The following DST variants were observed in gnomAD, a reference collection of about 807,000 sequenced individuals.
DST encodes bullous pemphigoid antigen.
DST carries 253 observed loss-of-function variants against 875.2 expected under a neutral mutation model. The observed-to-expected ratio is 0.29, with a 90% CI of 0.26 to 0.32. The LOEUF is 0.32. Among genes scored for constraint, DST ranks in the 10% least tolerant of loss-of-function variants. The pLI, the probability that DST is intolerant of heterozygous loss-of-function variation, is 1.00. For missense variants in DST, 8,287 were observed against 9,111.6 expected, an observed-to-expected ratio of 0.91 and a Z score of 3.68; for synonymous variants, 3,124 against 3,197.1, an observed-to-expected ratio of 0.98 and a Z score of 0.77.
At chr6:56,950,663 A>T (rs183824282) in intron 2 of DST, among the ~76,000 whole-genome samples, 103 of 152,368 alleles carry the variant, frequency 6.8e-4, no homozygotes, top group African/African-American at 2.2e-3. Flanking sequence ...TAGCATAACA[A>T]GAACAAAAAC....
intron 3 of DST, among the ~76,000 whole-genome samples, chr6:56,883,299 AT>A (rs1783089941): frequency 6.6e-6 from 1 of 152,250 alleles, no homozygotes; most frequent in Non-Finnish European, 1.5e-5. Flanking sequence ...GAATATGCCT[AT>A]ATAATTCCTT....
chr6:56,473,735 A>C, intron 93 of DST, 138 bp downstream of exon 93: 1 of 789,228 alleles, frequency 1.3e-6, no homozygotes, highest in South Asian at 1.8e-5. Flanking sequence ...GAGCACACGT[A>C]TTCCTTCTAG....
intron 2 of DST, among the ~76,000 whole-genome samples, chr6:56,947,099 T>G (rs1819922461): frequency 6.6e-6 from 1 of 151,686 alleles, no homozygotes; most frequent in South Asian, 2.1e-4. Flanking sequence ...AGCCTCGGGG[T>G]CACCAGAAAG....
In DST at chr6:56,618,346, G is replaced by A. The variant is rs1279513037; in HGVS notation, c.4930-3862C>T. 11 of 1,613,988 alleles carry A rather than the reference G, an allele frequency of 6.8e-6. No homozygotes were observed. In the Admixed American group the frequency reaches 1.8e-4, roughly 27 times the overall value. On this transcript the variant is annotated intron_variant, in intron 36 of 103. Transcript: ENST00000680361. ...GGTGAAGGTGTCCAGTGTTTCTAGA[G>A]GACAGCTCTCCAGAGTGCTGGCACT...
intron 2 of DST, among the ~76,000 whole-genome samples, chr6:56,932,235 T>A (rs1285194305): frequency 6.6e-6 from 1 of 152,046 alleles, no homozygotes; most frequent in Non-Finnish European, 1.5e-5. Flanking sequence ...GGTTTCTGCT[T>A]TTGCTTCTCT....
intron 3 of DST, among the ~76,000 whole-genome samples, chr6:56,864,336 G>A (rs1772877775): frequency 6.6e-6 from 1 of 152,134 alleles, no homozygotes; most frequent in Non-Finnish European, 1.5e-5. Context: ...CTCTGTGTGT[G>A]TATGTGTGCT....
chr6:56,573,907 A>G lies in DST; in HGVS notation c.13028-20T>C. 1 of 1,570,622 alleles carries G rather than the reference A, an allele frequency of 6.4e-7. No individual in the cohort carries two copies. The highest frequency in any genetic ancestry group is 8.7e-7 in the Non-Finnish European group (1 of 1,144,762). On this transcript the variant is annotated intron_variant, in intron 50 of 103. Transcript: ENST00000680361. ...TGTCATCTACTCCAAACAGATCAGGAATATTAACCACAAAGTTCTCTTTGC... is the reference window on the plus strand; with the variant it reads ...TGTCATCTACTCCAAACAGATCAGGGATATTAACCACAAAGTTCTCTTTGC...
At position 56,615,378 on chromosome 6, in the gene DST, T is replaced by G. The variant is rs547216405; in HGVS notation, c.4930-894A>C. ...TTAAAACTTACTCTATTTTGAGCAC[T>G]TAGCAATTTGCAGCCCTCAAGAAAT... On this transcript the variant is annotated intron_variant, in intron 36 of 103. Transcript: ENST00000680361. 225 of 1,524,244 alleles carry G rather than the reference T, an allele frequency of 1.5e-4. 1 individual carries two copies. The highest frequency in any genetic ancestry group is 1.9e-4 in the Non-Finnish European group (216 of 1,139,310). The allele number at this position is 1,524,244 out of a possible 1,614,324, so 94.4% of individuals were successfully genotyped here. A position where few individuals can be genotyped will look rare whatever the true frequency, so the allele number is the denominator to read the frequency against.
At chr6:56,843,162 G>A (rs772770495) in intron 4 of DST, 36 of 1,550,246 alleles carry the variant, frequency 2.3e-5, no homozygotes, top group Non-Finnish European at 6.1e-6. Flanking sequence ...GTTTATCTAA[G>A]CGATGACTGA....
At chr6:56,708,820 G>C (rs903275548) in intron 5 of DST, among the ~76,000 whole-genome samples, 1 of 152,206 alleles carries the variant, frequency 6.6e-6, no homozygotes, top group Non-Finnish European at 1.5e-5. Context: ...AGGGAAAGTA[G>C]ACAGCTAAGC....
chr6:56,735,275 C>T lies in DST; in HGVS notation c.640G>A (p.Val214Ile). The T allele has an allele frequency of 6.5e-7, 1 of 1,547,528 alleles. No homozygotes were observed. The highest frequency in any genetic ancestry group is 2.0e-5 in the Admixed American group (1 of 51,216). ...CATTTTGTAAATGTTTTCTTCTGAA[C>T]TTTGTCCCGTTCATCTGGAAGGAAA... is the stretch of plus-strand genomic sequence containing the variant. ...VLRIADERDK[V>I]QKKTFTKWIN... Residue 214 changes from valine (V) to isoleucine (I), a missense_variant, in exon 5 of 104, where the codon GTT (valine) becomes ATT (isoleucine). Val to Ile is a conservative substitution (Grantham distance 29). Coordinates refer to ENST00000680361, the MANE Select transcript of DST (RefSeq NM_001374736.1).
intron 4 of DST, among the ~76,000 whole-genome samples, chr6:56,848,706 C>T (rs1235623228): frequency 6.6e-6 from 1 of 152,092 alleles, no homozygotes; most frequent in Admixed American, 6.6e-5. Flanking sequence ...TTATGATTTG[C>T]CTAGCAAAAA....
chr6:56,604,115 T>C lies in DST; in HGVS notation c.10513A>G (p.Ile3505Val), dbSNP rs2098472507. ...KLLADGYSEKIEHVGDFNQKA... is the reference protein window; with the variant it reads ...KLLADGYSEKVEHVGDFNQKA... The stretch of plus-strand genomic sequence containing the variant: ...TGATTAAAGTCTCCAACATGTTCTA[T>C]TTTCTCTGAATATCCATCAGCAAGC... The change falls in exon 40 of 104, where the codon ATA (isoleucine) becomes GTA (valine). Residue 3505 changes from isoleucine to valine, a missense_variant. Physicochemically the swap from Ile to Val is conservative, Grantham distance 29. Around this residue, in one of 10 missense-constraint regions of DST, gnomAD observed 3,138 missense variants for 3,116.6 expected, o/e 1.01. Coordinates refer to ENST00000680361, the MANE Select transcript of DST (RefSeq NM_001374736.1). The C allele has an allele frequency of 6.3e-7, 1 of 1,577,970 alleles. No individual in the cohort carries two copies. Among genetic ancestry groups the C allele is most frequent in the Non-Finnish European group, 8.6e-7 (1 of 1,159,672 alleles).
intron 3 of DST, among the ~76,000 whole-genome samples, chr6:56,890,487 G>A (rs1341950385): frequency 5.9e-5 from 9 of 152,120 alleles, no homozygotes; most frequent in Non-Finnish European, 1.3e-4. Flanking sequence ...TTAATATACA[G>A]TATAAATCCA....
At chr6:56,655,365 G>A (rs2099001871) in intron 10 of DST, among the ~76,000 whole-genome samples, 1 of 152,054 alleles carries the variant, frequency 6.6e-6, no homozygotes. Flanking sequence ...AGAGAAGAGT[G>A]CTTTAGTGCA....
intron 5 of DST, among the ~76,000 whole-genome samples, chr6:56,720,942 C>T (rs1043442046): frequency 1.7e-4 from 26 of 151,816 alleles, no homozygotes; most frequent in Non-Finnish European, 1.8e-4. Context: ...GGCAGAGGGG[C>T]CCCCCACCCC....
rs34456344 is a variant in DST at position 56,695,126 on chromosome 6, C to CAAAAAAAAAAAAAAAA, written c.1047+4511_1047+4526dup. On this transcript the variant is annotated intron_variant, in intron 9 of 103. Transcript: ENST00000680361. ...TGGGCGACAGAGCGAGACTCCCTCT[C>CAAAAAAAAAAAAAAAA]AAAAAAAAAAAAAAAAAAAAAGAGT... Among the ~76,000 whole-genome samples, 79 of 70,052 alleles carry CAAAAAAAAAAAAAAAA rather than the reference C, an allele frequency of 1.1e-3. 1 individual carries two copies. Among genetic ancestry groups the CAAAAAAAAAAAAAAAA allele is most frequent in the African/African-American group, 4.3e-3 (77 of 18,076 alleles). The allele number at this position is 70,052 out of a possible 152,430, so 46.0% of individuals were successfully genotyped here. A position where few individuals can be genotyped will look rare whatever the true frequency, so the allele number is the denominator to read the frequency against.
chr6:56,878,478 TA>T (rs1780539498), intron 3 of DST, among the ~76,000 whole-genome samples: 2 of 152,166 alleles, frequency 1.3e-5, no homozygotes, highest in Non-Finnish European at 2.9e-5. Flanking sequence ...CAGAGGGAGC[TA>T]GTTTAAGCTC....
chr6:56,761,446 C>A (rs1564044322), intron 4 of DST, among the ~76,000 whole-genome samples: 1 of 152,156 alleles, frequency 6.6e-6, no homozygotes, highest in South Asian at 2.1e-4. Context: ...AAATGCACAC[C>A]ATGTTATGTT....
Sources: allele counts gnomAD v4.1 joint callset (sites outside exome capture counted in the v4.1 genomes callset), GRCh38; gene constraint gnomAD v4.1.1; regional missense constraint gnomAD v4.1.1; transcripts MANE v1.5; gene names NCBI Gene and HGNC (gene_info 2026-07-23, HGNC 2026-07-21).